Variants in RYR2 observed in about 807,000 individuals in gnomAD.
RYR2 encodes the protein ryanodine receptor 2, also known as cardiac muscle ryanodine receptor-calcium release channel.
A neutral mutation model predicts 601.1 loss-of-function variants in RYR2; 227 were observed. The ratio of observed to expected loss-of-function variants is 0.38; its 90% CI spans 0.34 to 0.42. The LOEUF (loss-of-function observed/expected upper bound fraction) is 0.42. RYR2 is among the 10% of genes least tolerant of loss of function. The pLI is 1.00. For missense variants in RYR2, 4,646 were observed against 6,156.5 expected (o/e 0.75, Z 8.21); for synonymous variants, 2,223 against 2,175.1 (o/e 1.02, Z -0.61).
chr1:237,379,186 T>C (rs1701257896), intron 8 of RYR2, among the ~76,000 whole-genome samples: 1 of 152,258 alleles, frequency 6.6e-6, no homozygotes, highest in Non-Finnish European at 1.5e-5. Flanking sequence ...ACACATACTT[T>C]ATTTAGATTT....
chr1:237,492,528 T>G (rs930372102), intron 18 of RYR2, among the ~76,000 whole-genome samples: 2 of 152,148 alleles, frequency 1.3e-5, no homozygotes, highest in African/African-American at 4.8e-5. Flanking sequence ...GATGCTTGAT[T>G]CTGAAGGGGG....
At chr1:237,488,630 G>A (rs550087330) in intron 17 of RYR2, among the ~76,000 whole-genome samples, 16 of 152,240 alleles carry the variant, frequency 1.1e-4, no homozygotes, top group Admixed American at 5.9e-4. Flanking sequence ...AGCCTTAACC[G>A]ATGACATTCC....
chr1:237,547,910 T>C (rs1487279528), intron 25 of RYR2, among the ~76,000 whole-genome samples: 1 of 152,186 alleles, frequency 6.6e-6, no homozygotes, highest in Non-Finnish European at 1.5e-5. Context: ...TTAGTCTTCC[T>C]AAATAACGTA....
chr1:237,494,466 T>C (rs1234979248), intron 19 of RYR2, among the ~76,000 whole-genome samples: 1 of 152,168 alleles, frequency 6.6e-6, no homozygotes, highest in African/African-American at 2.4e-5. Context: ...GGCAGCTGAT[T>C]AGATGGTGCC....
intron 14 of RYR2, among the ~76,000 whole-genome samples, chr1:237,449,382 G>A (rs1211876206): frequency 6.6e-6 from 1 of 152,162 alleles, no homozygotes; most frequent in African/African-American, 2.4e-5. Context: ...GTCACTCTAT[G>A]AATAGTATAA....
chr1:237,469,272 A>AC, intron 17 of RYR2, 85 bp downstream of exon 17: 1 of 799,358 alleles, frequency 1.3e-6, no homozygotes, highest in Non-Finnish European at 1.8e-6. Context: ...AAAAAAAAAA[A>AC]AAAAAAACAA....
intron 58 of RYR2, among the ~76,000 whole-genome samples, chr1:237,671,375 G>C (rs1684911653): frequency 6.6e-6 from 1 of 152,056 alleles, no homozygotes; most frequent in Non-Finnish European, 1.5e-5. Context: ...CTCACTCAGA[G>C]ACATTAATAG....
chr1:237,614,129 T>C lies in RYR2; in HGVS notation c.5001T>C (p.Leu1667=), dbSNP rs397516537. 6.9e-5 allele frequency: 111 copies of C among 1,613,928 alleles called. No homozygotes were observed. The highest frequency in any genetic ancestry group is 8.6e-5 in the Non-Finnish European group (102 of 1,179,906). The change falls in exon 37 of 105, where the codon CTT becomes CTC. Residue 1667 remains leucine (L), a synonymous_variant. Transcript: ENST00000366574. The surrounding 1 kb of genome is among the most constrained non-coding windows in gnomAD (Gnocchi z 4.3). ...GGCTCTACTCAGCCGTCTGTGCTCTTGGGAACCACCGGGTGGCCCATGCCC... is the reference window on the plus strand; with the variant it reads ...GGCTCTACTCAGCCGTCTGTGCTCTCGGGAACCACCGGGTGGCCCATGCCC... ...TLRLYSAVCA[L]GNHRVAHALC...
At chr1:237,339,621 T>TA (rs1558648733) in intron 3 of RYR2, among the ~76,000 whole-genome samples, 2 of 152,112 alleles carry the variant, frequency 1.3e-5, no homozygotes, top group African/African-American at 4.8e-5. Context: ...ATATGGTTTT[T>TA]AAAAAATCAG....
At position 237,614,452 on chromosome 1, in the gene RYR2, G is replaced by A. The variant is rs1388071936; in HGVS notation, c.5324G>A (p.Cys1775Tyr). 2 of 1,614,006 alleles carry A rather than the reference G, an allele frequency of 1.2e-6. No individual in the cohort carries two copies. Among genetic ancestry groups the A allele is most frequent in the Non-Finnish European group, 8.5e-7 (1 of 1,179,898 alleles). Residue 1775 changes from cysteine (C) to tyrosine (Y), a missense_variant, in exon 37 of 105, where the codon TGT becomes TAT. Coordinates refer to ENST00000366574, the MANE Select transcript of RYR2 (RefSeq NM_001035.3). The surrounding 1 kb of genome is among the most constrained non-coding windows in gnomAD (Gnocchi z 4.3). ...AGTTTTGTAAGCATTAGTAATGAAT[G>A]TTACCAGTACAGTCCAGAGTTCCCA... ...SPSFVSISNE[C>Y]YQYSPEFPLD...
chr1:237,517,455 C>T (rs796191879), intron 24 of RYR2, among the ~76,000 whole-genome samples: 17 of 152,252 alleles, frequency 1.1e-4, no homozygotes, highest in African/African-American at 3.6e-4. Context: ...TCTTGGGCCA[C>T]ACACAAAATA....
intron 1 of RYR2, among the ~76,000 whole-genome samples, chr1:237,159,964 A>G (rs527341184): frequency 8.5e-5 from 13 of 152,308 alleles, no homozygotes; most frequent in Non-Finnish European, 1.2e-4. Flanking sequence ...CTCTTTGAGT[A>G]TTAATCTTGT....
At chr1:237,535,484 T>TACACACACACACACACAC (rs58146773) in intron 25 of RYR2, among the ~76,000 whole-genome samples, 9 of 144,638 alleles carry the variant, frequency 6.2e-5, no homozygotes, top group African/African-American at 2.3e-4. Context: ...CAAACACACA[T>TACACACACACACACACAC]ACACACACAC....
intron 58 of RYR2, among the ~76,000 whole-genome samples, chr1:237,672,894 C>A (rs4659803): frequency 6.6e-6 from 1 of 152,186 alleles, no homozygotes; most frequent in Non-Finnish European, 1.5e-5. Flanking sequence ...CCAGCACCTT[C>A]CATGTATGAT....
At chr1:237,770,699 G>A in intron 84 of RYR2, 108 bp from the exon 85 acceptor site, 1 of 691,816 alleles carries the variant, frequency 1.4e-6, no homozygotes, top group Non-Finnish European at 2.6e-6. Context: ...ACTGTTTTTG[G>A]TTCAGAACAA....
chr1:237,684,890 T>C (rs1051362595), intron 62 of RYR2, among the ~76,000 whole-genome samples: 3 of 150,922 alleles, frequency 2.0e-5, no homozygotes, highest in Non-Finnish European at 4.4e-5. Flanking sequence ...ACAGGGTTTT[T>C]GGAAATAGGT....
intron 37 of RYR2, among the ~76,000 whole-genome samples, 176 bp downstream of exon 37, chr1:237,615,019 T>C (rs1018229506): frequency 9.9e-5 from 15 of 152,190 alleles, no homozygotes; most frequent in Admixed American, 9.8e-4. Context: ...ATTAGCCATC[T>C]CCTCTTGTTT....
In RYR2 at chr1:237,511,676, G is replaced by T; in HGVS notation, c.2719-12G>T. 6.5e-7 allele frequency: 1 copy of T among 1,548,994 alleles called. No homozygotes were observed. The highest frequency in any genetic ancestry group is 8.8e-7 in the Non-Finnish European group (1 of 1,142,220). ...GGAGACTATTTTATGTCAATTTCCT[G>T]TCCTGTTTCAGGTTAGAGATGACAA... On this transcript the variant is annotated splice_polypyrimidine_tract_variant and intron_variant, in intron 23 of 104. Coordinates refer to ENST00000366574, the MANE Select transcript of RYR2 (RefSeq NM_001035.3).
chr1:237,202,496 C>T (rs1197717653), intron 1 of RYR2, among the ~76,000 whole-genome samples: 1 of 152,192 alleles, frequency 6.6e-6, no homozygotes, highest in Non-Finnish European at 1.5e-5. Context: ...CAACCTCCAC[C>T]TCCTGGCTTC....
Sources: allele counts gnomAD v4.1 joint callset (sites outside exome capture counted in the v4.1 genomes callset), GRCh38; gene constraint gnomAD v4.1.1; non-coding constraint Gnocchi (gnomAD v3.1); transcripts MANE v1.5; gene names NCBI Gene and HGNC (gene_info 2026-07-23, HGNC 2026-07-21).